Variants in DNAJC1 observed in about 807,000 individuals in gnomAD.
DNAJC1 encodes the protein DnaJ heat shock protein family (Hsp40) member C1.
DNAJC1 carries 58 observed loss-of-function variants against 76.6 expected under a neutral mutation model. The ratio of observed to expected loss-of-function variants is 0.76; its 90% confidence interval spans 0.61 to 0.94. The LOEUF (loss-of-function observed/expected upper bound fraction) is 0.94, where lower values mean the gene tolerates loss of function less well. Ranked by LOEUF, DNAJC1 falls within the 40% of genes least tolerant of loss-of-function variation. The pLI is 0.00. For synonymous variants in DNAJC1, 258 were observed against 267.9 expected, an observed-to-expected ratio of 0.96 and a Z score of 0.36; for missense variants, 689 against 677.3, an observed-to-expected ratio of 1.02 and a Z score of -0.19.
At chr10:21,815,363 G>A (rs1835058087) in intron 8 of DNAJC1, among the ~76,000 whole-genome samples, 1 of 152,130 alleles carries the variant, frequency 6.6e-6, no homozygotes, top group Non-Finnish European at 1.5e-5. Flanking sequence ...TCCTCCTTGT[G>A]GGCCAAGGTG....
At chr10:21,960,667 A>G (rs181875351) in intron 1 of DNAJC1, among the ~76,000 whole-genome samples, 1 of 152,188 alleles carries the variant, frequency 6.6e-6, no homozygotes, top group Non-Finnish European at 1.5e-5. Flanking sequence ...TCCAGCCCAG[A>G]GGACAGAGGG....
intron 8 of DNAJC1, among the ~76,000 whole-genome samples, chr10:21,836,723 G>C (rs970518549): frequency 1.3e-5 from 2 of 152,076 alleles, no homozygotes; most frequent in African/African-American, 2.4e-5. Context: ...GATCAAAAGA[G>C]ACAAAGAAGG....
intron 8 of DNAJC1, among the ~76,000 whole-genome samples, chr10:21,806,317 T>C (rs1334697029): frequency 3.9e-5 from 6 of 152,204 alleles, no homozygotes; most frequent in Non-Finnish European, 5.9e-5. Context: ...GCCTATTTCA[T>C]TTCCTACGTA....
chr10:21,944,623 T>G (rs1011702735), intron 1 of DNAJC1, among the ~76,000 whole-genome samples: 3 of 152,146 alleles, frequency 2.0e-5, no homozygotes, highest in African/African-American at 7.2e-5. Context: ...GAGAGAGAAT[T>G]AAAATACTGT....
chr10:21,915,026 A>G (rs1302339747), intron 6 of DNAJC1, among the ~76,000 whole-genome samples: 3 of 152,214 alleles, frequency 2.0e-5, no homozygotes, highest in Non-Finnish European at 1.5e-5. Context: ...GTCCTAGAGA[A>G]GGCATATTTA....
intron 1 of DNAJC1, among the ~76,000 whole-genome samples, chr10:21,995,703 C>G (rs1838404998): frequency 6.6e-6 from 1 of 152,188 alleles, no homozygotes; most frequent in Non-Finnish European, 1.5e-5. Context: ...CATATTCTAA[C>G]AAAAATGTAG....
chr10:22,001,365 A>C (rs1358501166), intron 1 of DNAJC1, among the ~76,000 whole-genome samples: 1 of 152,228 alleles, frequency 6.6e-6, no homozygotes, highest in Non-Finnish European at 1.5e-5. Context: ...GTAAAGAAAA[A>C]AACTTGTTCC....
chr10:21,988,197 G>C (rs937247103), intron 1 of DNAJC1, among the ~76,000 whole-genome samples: 1 of 152,026 alleles, frequency 6.6e-6, no homozygotes, highest in Non-Finnish European at 1.5e-5. Context: ...AAGTAGCTGT[G>C]CATATTCTAT....
intron 1 of DNAJC1, among the ~76,000 whole-genome samples, chr10:21,997,422 A>G (rs10764330): frequency 0.64 from 97,538 of 152,116 alleles, 32,141 homozygotes; most frequent in East Asian, 0.97. Context: ...CTCAAGGGTA[A>G]GTCTGGTTAG....
intron 6 of DNAJC1, among the ~76,000 whole-genome samples, chr10:21,911,820 T>A (rs1177604573): frequency 5.9e-5 from 9 of 152,220 alleles, no homozygotes; most frequent in Non-Finnish European, 1.3e-4. Context: ...TTGTTTTTTC[T>A]TTCAGTACAG....
At chr10:21,879,167 C>T (rs143256821) in intron 8 of DNAJC1, among the ~76,000 whole-genome samples, 54 of 152,258 alleles carry the variant, frequency 3.5e-4, no homozygotes, top group African/African-American at 1.2e-3. Context: ...AGTCATTGAA[C>T]TTGGCAATGG....
intron 8 of DNAJC1, among the ~76,000 whole-genome samples, chr10:21,836,423 C>G (rs139424742): frequency 0.013 from 1,967 of 152,234 alleles, 40 homozygotes; most frequent in African/African-American, 0.044. Context: ...CATCAACTAA[C>G]GAGCAACATA....
chr10:21,830,580 C>T (rs551171515), intron 8 of DNAJC1, among the ~76,000 whole-genome samples: 1 of 152,168 alleles, frequency 6.6e-6, no homozygotes, highest in South Asian at 2.1e-4. Context: ...TTTTATTCAT[C>T]CTGTTCAGTA....
chr10:21,863,335 A>G (rs1257946741), intron 8 of DNAJC1, among the ~76,000 whole-genome samples: 1 of 152,154 alleles, frequency 6.6e-6, no homozygotes, highest in East Asian at 1.9e-4. Flanking sequence ...TATAAATTCT[A>G]TAGAAGTTAA....
chr10:21,967,143 C>G (rs1564840528), intron 1 of DNAJC1, among the ~76,000 whole-genome samples: 3 of 151,882 alleles, frequency 2.0e-5, no homozygotes, highest in African/African-American at 4.8e-5. Flanking sequence ...ACGTTCATCA[C>G]AATCCAGTTT....
At chr10:21,813,052 C>CAT (rs1236584994) in intron 8 of DNAJC1, among the ~76,000 whole-genome samples, 5 of 112,672 alleles carry the variant, frequency 4.4e-5, no homozygotes, top group South Asian at 3.2e-4. Context: ...CACACACACA[C>CAT]ATATATATAC....
At chr10:21,961,228 T>C (rs1837785734) in intron 1 of DNAJC1, among the ~76,000 whole-genome samples, 1 of 152,172 alleles carries the variant, frequency 6.6e-6, no homozygotes, top group Non-Finnish European at 1.5e-5. Context: ...TCTAGGTATA[T>C]ACCCAAAAGA....
At chr10:21,916,706 A>G (rs1266131103) in intron 6 of DNAJC1, among the ~76,000 whole-genome samples, 2 of 152,190 alleles carry the variant, frequency 1.3e-5, no homozygotes, top group African/African-American at 4.8e-5. Flanking sequence ...AAGAAGATCT[A>G]AAATTAATAC....
chr10:21,797,254 G>A (rs532296891), intron 9 of DNAJC1, among the ~76,000 whole-genome samples: 4 of 152,196 alleles, frequency 2.6e-5, no homozygotes, highest in African/African-American at 7.2e-5. Flanking sequence ...TTAGTTGACT[G>A]TATATGTGTG....
Sources: gnomAD v4.1 joint callset for allele counts (sites outside exome capture counted in the v4.1 genomes callset) on GRCh38, gnomAD v4.1.1 for gene constraint, MANE v1.5 for transcripts, NCBI Gene and HGNC (gene_info 2026-07-23, HGNC 2026-07-21) for gene names.